PFKP: variants seen among roughly 807,000 people sequenced by gnomAD.
The protein encoded by PFKP is ATP-dependent 6-phosphofructokinase, platelet type.
PFKP carries 101 observed loss-of-function variants against 94.3 expected under a neutral mutation model. The observed-to-expected ratio is 1.07, with a 90% CI of 0.91 to 1.26. The LOEUF is 1.26. PFKP is among the 50% of genes most tolerant of loss of function. PFKP has a pLI of 0.00. For synonymous variants in PFKP, 573 were observed against 432.6 expected (o/e 1.32, Z -4.03); for missense variants, 1,145 against 1,103.3 (o/e 1.04, Z -0.53).
chr10:3,081,843 A>G (rs909988422), intron 1 of PFKP, among the ~76,000 whole-genome samples: 9 of 152,090 alleles, frequency 5.9e-5, no homozygotes, highest in South Asian at 2.1e-4. Context: ...ATGATGATAC[A>G]TTGTATAACA....
At position 3,118,844 on chromosome 10, in the gene PFKP, C is replaced by T. The variant is rs749499132; in HGVS notation, c.1505C>T (p.Ala502Val). The change falls in exon 15 of 22, where the codon GCG (alanine) becomes GTG (valine). Residue 502 changes from alanine to valine, a missense_variant. Coordinates refer to ENST00000381125, the MANE Select transcript of PFKP (RefSeq NM_002627.5). ...CAGATGCGCACGCACAGCATCAACG[C>T]GCTGCTGATCATCGGTGGATTCGAG... ...ATQMRTHSINALLIIGGFEAY... is the reference protein window; with the variant it reads ...ATQMRTHSINVLLIIGGFEAY... The T allele has an allele frequency of 1.9e-6, 3 of 1,613,158 alleles. No individual in the cohort carries two copies. The highest frequency in any genetic ancestry group is 1.3e-5 in the African/African-American group (1 of 74,904).
At chr10:3,116,342 G>T (rs1470972406) in intron 13 of PFKP, among the ~76,000 whole-genome samples, 4 of 152,206 alleles carry the variant, frequency 2.6e-5, no homozygotes, top group African/African-American at 7.2e-5. Flanking sequence ...TGCCGTCCTC[G>T]CAGTGGCATC....
Position 3,118,965 on chromosome 10 carries a change from C to T in PFKP, c.1530+96C>T, listed in dbSNP as rs1026690325. On this transcript the variant is annotated intron_variant, in intron 15 of 21. Transcript: ENST00000381125. Reference sequence around the variant, plus strand: ...TACTTGTTGGCTACTGGCCACGATCCGAGATGATAGGTTCCCAGACCCAGC... The same window carrying T: ...TACTTGTTGGCTACTGGCCACGATCTGAGATGATAGGTTCCCAGACCCAGC... 188 of 860,224 alleles carry T rather than the reference C, an allele frequency of 2.2e-4. 3 individuals are homozygous for T. Among genetic ancestry groups the T allele is most frequent in the South Asian group, 2.1e-3 (126 of 60,296 alleles). The allele number at this position is 860,224 out of a possible 1,614,324, so 53.3% of individuals were successfully genotyped here.
At chr10:3,082,095 C>G (rs1192595771) in intron 1 of PFKP, among the ~76,000 whole-genome samples, 1 of 146,546 alleles carries the variant, frequency 6.8e-6, no homozygotes, top group Non-Finnish European at 1.5e-5. Flanking sequence ...TGCAAATAAA[C>G]CCCTATTCTG....
intron 21 of PFKP, 119 bp from the exon 22 acceptor site, chr10:3,136,331 G>A (rs758292929): frequency 2.1e-6 from 2 of 961,908 alleles, no homozygotes; most frequent in Non-Finnish European, 3.2e-6. Context: ...TCATCTAGTT[G>A]ATTCAGCCGA....
intron 2 of PFKP, among the ~76,000 whole-genome samples, chr10:3,084,244 C>T (rs999261146): frequency 2.0e-5 from 3 of 152,216 alleles, no homozygotes; most frequent in East Asian, 1.9e-4. Flanking sequence ...CCCAGCCCCG[C>T]GCAGGGAAGG....
intron 1 of PFKP, among the ~76,000 whole-genome samples, chr10:3,077,416 C>T (rs1386229774): frequency 1.3e-5 from 2 of 151,528 alleles, no homozygotes; most frequent in African/African-American, 4.9e-5. Context: ...CGCTCACCAC[C>T]ATGCCCGGCT....
At chr10:3,080,464 C>T (rs938775293) in intron 1 of PFKP, among the ~76,000 whole-genome samples, 2 of 141,798 alleles carry the variant, frequency 1.4e-5, no homozygotes, top group Admixed American at 1.5e-4. Context: ...TTGCAGTGAG[C>T]CGAGATTGCA....
chr10:3,126,283 G>A (rs1428709578), intron 16 of PFKP, among the ~76,000 whole-genome samples: 3 of 152,212 alleles, frequency 2.0e-5, no homozygotes, highest in Admixed American at 6.5e-5. Context: ...GCGTGTCCTG[G>A]CCATCTCTCT....
At chr10:3,112,174 C>T (rs757925539) in intron 10 of PFKP, 48 bp from the exon 11 acceptor site, 2 of 1,462,528 alleles carry the variant, frequency 1.4e-6, no homozygotes, top group Non-Finnish European at 1.9e-6. Context: ...ATCCATGATG[C>T]ACCAGGTCCT....
rs571061550 is a variant in PFKP, at chr10:3,131,511, T to C, written c.1849-869T>C. On this transcript the variant is annotated intron_variant, in intron 17 of 21. Coordinates refer to ENST00000381125, the MANE Select transcript of PFKP (RefSeq NM_002627.5). ...TCGCTCTGTCACCCAGGCTGGAGTG[T>C]AGTGGCACAATCTCGGCTCACTGCA... Among the ~76,000 whole-genome samples the C allele has an allele frequency of 1.4e-4, 22 of 152,220 alleles. No homozygotes were observed. In the Middle Eastern group the frequency reaches 0.01, roughly 71 times the overall value.
intron 13 of PFKP, among the ~76,000 whole-genome samples, chr10:3,114,189 G>C (rs1836560093): frequency 6.8e-6 from 1 of 147,106 alleles, no homozygotes; most frequent in African/African-American, 2.5e-5. Flanking sequence ...TCGCTCTGTT[G>C]CCCAAACTGG....
chr10:3,101,885 C>T (rs1588465067), intron 4 of PFKP, among the ~76,000 whole-genome samples: 2 of 152,206 alleles, frequency 1.3e-5, no homozygotes, highest in East Asian at 3.9e-4. Context: ...AGCCGGGTCC[C>T]CAGCAGCCTG....
At position 3,136,613 on chromosome 10, in the gene PFKP, T is replaced by A; in HGVS notation, c.*34T>A. 6 of 1,606,732 alleles carry A rather than the reference T, an allele frequency of 3.7e-6. No homozygotes were observed. Among genetic ancestry groups the A allele is most frequent in the Non-Finnish European group, 5.1e-6 (6 of 1,174,942 alleles). ...CGCCTGCATGTGCCTGCAGCCACCG[T>A]GGACTGTCTGTTTTTGTAACACTTA... is the stretch of plus-strand genomic sequence containing the variant. On this transcript the variant is annotated 3_prime_UTR_variant, in exon 22 of 22. Coordinates refer to ENST00000381125, the MANE Select transcript of PFKP (RefSeq NM_002627.5).
chr10:3,101,881 G>C (rs1006743099), intron 4 of PFKP, among the ~76,000 whole-genome samples: 1 of 152,168 alleles, frequency 6.6e-6, no homozygotes, highest in Non-Finnish European at 1.5e-5. Flanking sequence ...GGCGAGCCGG[G>C]TCCCCAGCAG....
At position 3,136,586 on chromosome 10, in the gene PFKP, C is replaced by CA. The variant is rs754205931; in HGVS notation, c.*7_*8insA. 1 of 1,612,836 alleles carries CA rather than the reference C, an allele frequency of 6.2e-7. No individual in the cohort carries two copies. The highest frequency in any genetic ancestry group is 1.3e-5 in the African/African-American group (1 of 75,016). ...GCAGCCCTGGAGTGTCTGACCCAGTCCCGCCTGCATGTGCCTGCAGCCACC... is the reference window on the plus strand; with the variant it reads ...GCAGCCCTGGAGTGTCTGACCCAGTCACCGCCTGCATGTGCCTGCAGCCACC... On this transcript the variant is annotated 3_prime_UTR_variant, in exon 22 of 22. Transcript: ENST00000381125.
At chr10:3,133,105 G>T in intron 18 of PFKP, 98 bp from the exon 19 acceptor site, 1 of 812,868 alleles carries the variant, frequency 1.2e-6, no homozygotes. Context: ...ATAGGGTTGG[G>T]GGATGCGGGA....
chr10:3,109,893 C>T (rs908379006), intron 10 of PFKP, among the ~76,000 whole-genome samples: 3 of 151,028 alleles, frequency 2.0e-5, no homozygotes, highest in Non-Finnish European at 3.0e-5. Context: ...ACCCATGGGG[C>T]AGAGGGGGCA....
chr10:3,103,358 A>G (rs538797306), intron 4 of PFKP, among the ~76,000 whole-genome samples: 77 of 152,282 alleles, frequency 5.1e-4, no homozygotes, highest in Non-Finnish European at 1.0e-3. Flanking sequence ...CGGAGAAAAT[A>G]AAGAATCGGC....
Sources: gnomAD v4.1 joint callset for allele counts (sites outside exome capture counted in the v4.1 genomes callset) on GRCh38, gnomAD v4.1.1 for gene constraint, MANE v1.5 for transcripts, NCBI Gene and HGNC (gene_info 2026-07-23, HGNC 2026-07-21) for gene names.